ERBB4: variants seen among roughly 807,000 people sequenced by gnomAD.
ERBB4 encodes receptor tyrosine-protein kinase erbB-4.
Under a neutral mutation model 158.0 loss-of-function variants are expected in ERBB4, and 42 were observed. The observed-to-expected ratio is 0.27, with a 90% CI of 0.21 to 0.34. ERBB4 has a LOEUF of 0.34. Ranked by LOEUF, ERBB4 falls within the 10% of genes least tolerant of loss-of-function variation. The pLI, the probability that ERBB4 is intolerant of heterozygous loss-of-function variation, is 1.00. For missense variants in ERBB4, 1,333 were observed against 1,624.1 expected (o/e 0.82, Z 3.08); for synonymous variants, 583 against 558.7 (o/e 1.04, Z -0.61).
chr2:211,399,094 A>C (rs1420756124), intron 25 of ERBB4, among the ~76,000 whole-genome samples: 2 of 152,172 alleles, frequency 1.3e-5, no homozygotes, highest in Non-Finnish European at 2.9e-5. Flanking sequence ...CCTTGATTAC[A>C]TCGTGATCTT....
At chr2:211,572,267 CAT>C (rs1270129636) in intron 19 of ERBB4, among the ~76,000 whole-genome samples, 27 of 152,112 alleles carry the variant, frequency 1.8e-4, no homozygotes, top group Non-Finnish European at 1.5e-5. Flanking sequence ...TCAATAAACA[CAT>C]GTTGAATTAA....
intron 25 of ERBB4, among the ~76,000 whole-genome samples, chr2:211,394,586 T>C (rs1186669888): frequency 6.6e-6 from 1 of 152,142 alleles, no homozygotes; most frequent in East Asian, 1.9e-4. Context: ...CTTTCTTTCT[T>C]TTTTAATGTA....
intron 20 of ERBB4, among the ~76,000 whole-genome samples, chr2:211,517,926 T>C (rs1411290966): frequency 2.0e-5 from 3 of 152,092 alleles, no homozygotes; most frequent in Admixed American, 6.5e-5. Context: ...TCCTATCTTC[T>C]CAAAATAGTT....
intron 1 of ERBB4, among the ~76,000 whole-genome samples, chr2:212,187,283 C>T (rs2082041834): frequency 6.6e-6 from 1 of 151,946 alleles, no homozygotes; most frequent in African/African-American, 2.4e-5. Flanking sequence ...TGAGATGATT[C>T]TTCGGTTTAA....
chr2:211,845,914 C>A (rs996754136), intron 3 of ERBB4, among the ~76,000 whole-genome samples: 12 of 152,216 alleles, frequency 7.9e-5, no homozygotes, highest in African/African-American at 2.6e-4. Context: ...GATTTGAGAG[C>A]ATGCAAATTA....
chr2:212,215,375 C>G (rs772556211), intron 1 of ERBB4, among the ~76,000 whole-genome samples: 1 of 151,294 alleles, frequency 6.6e-6, no homozygotes, highest in Non-Finnish European at 1.5e-5. Flanking sequence ...GCTGAAAAGT[C>G]TAAGAGAATC....
chr2:212,190,419 C>G (rs2082152888), intron 1 of ERBB4, among the ~76,000 whole-genome samples: 1 of 151,990 alleles, frequency 6.6e-6, no homozygotes, highest in Non-Finnish European at 1.5e-5. Context: ...TGCCTGTAGT[C>G]CCAGCTACTC....
chr2:211,618,059 C>G (rs568258000), intron 19 of ERBB4, among the ~76,000 whole-genome samples: 9 of 152,000 alleles, frequency 5.9e-5, no homozygotes, highest in African/African-American at 2.2e-4. Flanking sequence ...TCTGATTGAC[C>G]TTAAAAAGTA....
At chr2:212,109,671 T>C (rs1387008268) in intron 2 of ERBB4, among the ~76,000 whole-genome samples, 3 of 152,212 alleles carry the variant, frequency 2.0e-5, no homozygotes, top group Non-Finnish European at 2.9e-5. Context: ...GATTCTTCTA[T>C]CCCTTTAGCA....
intron 1 of ERBB4, among the ~76,000 whole-genome samples, chr2:212,189,613 C>T (rs1322986856): frequency 6.6e-6 from 1 of 152,178 alleles, no homozygotes; most frequent in Non-Finnish European, 1.5e-5. Flanking sequence ...AAACAAGTTT[C>T]ATGCCAATAA....
At chr2:211,604,255 G>T (rs1201251046) in intron 19 of ERBB4, among the ~76,000 whole-genome samples, 1 of 152,222 alleles carries the variant, frequency 6.6e-6, no homozygotes, top group African/African-American at 2.4e-5. Flanking sequence ...TAAACATAGT[G>T]GGTCACGAGA....
chr2:212,391,702 TTATA>T (rs66634362), intron 1 of ERBB4, among the ~76,000 whole-genome samples: 3,269 of 97,262 alleles, frequency 0.034, 132 homozygotes, highest in African/African-American at 0.11. Context: ...ATATTATATA[TTATA>T]TATATTGACA....
At chr2:212,278,426 A>T (rs73066369) in intron 1 of ERBB4, among the ~76,000 whole-genome samples, 13,105 of 151,692 alleles carry the variant, frequency 0.086, 594 homozygotes, top group Non-Finnish European at 0.097. Flanking sequence ...TCTTTATACA[A>T]TGAAAGCCTT....
chr2:212,464,337 T>G (rs1688720805), intron 1 of ERBB4, among the ~76,000 whole-genome samples: 1 of 152,270 alleles, frequency 6.6e-6, no homozygotes, highest in South Asian at 2.1e-4. Flanking sequence ...CTCTCTTTTT[T>G]ATGGGTAAGT....
intron 4 of ERBB4, among the ~76,000 whole-genome samples, chr2:211,785,121 G>A (rs1426797559): frequency 1.5e-4 from 14 of 91,816 alleles, no homozygotes; most frequent in Admixed American, 1.0e-3. Context: ...TTTATTTTTT[G>A]AGACGGAGTC....
At chr2:211,661,725 A>C (rs1002328570) in intron 15 of ERBB4, among the ~76,000 whole-genome samples, 3 of 152,124 alleles carry the variant, frequency 2.0e-5, no homozygotes, top group Non-Finnish European at 2.9e-5. Context: ...CAGTTTAAGA[A>C]TATTTTAAAA....
At chr2:211,625,802 C>T (rs2069821295) in intron 17 of ERBB4, among the ~76,000 whole-genome samples, 1 of 152,016 alleles carries the variant, frequency 6.6e-6, no homozygotes, top group African/African-American at 2.4e-5. Flanking sequence ...ACACAAAATA[C>T]TGGGAGGGGG....
intron 1 of ERBB4, among the ~76,000 whole-genome samples, chr2:212,166,243 T>C (rs927605428): frequency 1.3e-5 from 2 of 152,092 alleles, no homozygotes; most frequent in African/African-American, 4.8e-5. Flanking sequence ...GCTTTATTAT[T>C]AGGGATCTTA....
intron 1 of ERBB4, among the ~76,000 whole-genome samples, chr2:212,188,261 TCC>T (rs2082088472): frequency 8.3e-5 from 1 of 12,094 alleles, no homozygotes; most frequent in African/African-American, 1.3e-4. Context: ...CCTCCCTCCC[TCC>T]CTCTTCTCTC....
Sources: gnomAD v4.1 joint callset for allele counts (sites outside exome capture counted in the v4.1 genomes callset) on GRCh38, gnomAD v4.1.1 for gene constraint, MANE v1.5 for transcripts, NCBI Gene and HGNC (gene_info 2026-07-23, HGNC 2026-07-21) for gene names.